The following PLXDC2 variants were observed in gnomAD, a reference collection of about 807,000 sequenced individuals.
PLXDC2 encodes plexin domain-containing protein 2.
In PLXDC2, 40 loss-of-function variants were observed where a neutral mutation model predicts 68.9. That is an observed-to-expected ratio of 0.58 (90% CI 0.45 to 0.76). PLXDC2 has a LOEUF of 0.76. Among genes scored for constraint, PLXDC2 ranks in the 30% least tolerant of loss-of-function variants. PLXDC2 has a pLI of 0.00. For synonymous variants in PLXDC2, 243 were observed against 234.2 expected (o/e 1.04, Z -0.34); for missense variants, 644 against 661.9 (o/e 0.97, Z 0.30).
At position 19,936,008 on chromosome 10, in the gene PLXDC2, A is replaced by T. The variant is rs887882200; in HGVS notation, c.113-65767A>T. 3.9e-5 allele frequency among the ~76,000 whole-genome samples: 6 copies of T among 152,200 alleles called. No homozygotes were observed. The East Asian group carries it at 1.2e-3, about 29-fold the overall frequency. On this transcript the variant is annotated intron_variant, in intron 1 of 13. Coordinates refer to ENST00000377252, the MANE Select transcript of PLXDC2 (RefSeq NM_032812.9). ...TGTCTTAGTTCTTAGTGCTATTTTGATATTAAAACAAAAATTTGAAATCGT... is the reference window on the plus strand; with the variant it reads ...TGTCTTAGTTCTTAGTGCTATTTTGTTATTAAAACAAAAATTTGAAATCGT...
chr10:20,067,226 A>G (rs2131705518), intron 3 of PLXDC2, among the ~76,000 whole-genome samples: 1 of 152,310 alleles, frequency 6.6e-6, no homozygotes, highest in Non-Finnish European at 1.5e-5. Flanking sequence ...TAGGAAAACA[A>G]AGGGTGCAAT....
chr10:20,105,645 G>A (rs1447207818), intron 4 of PLXDC2, among the ~76,000 whole-genome samples: 1 of 152,088 alleles, frequency 6.6e-6, no homozygotes, highest in African/African-American at 2.4e-5. Context: ...CTCTCCTCCT[G>A]CCCCCTACCC....
intron 1 of PLXDC2, among the ~76,000 whole-genome samples, chr10:19,887,759 T>G (rs1837876476): frequency 6.6e-6 from 1 of 152,186 alleles, no homozygotes; most frequent in Non-Finnish European, 1.5e-5. Context: ...TATTTCCTTC[T>G]GTCTTGGGTG....
At chr10:20,270,034 A>C (rs113550079) in intron 13 of PLXDC2, among the ~76,000 whole-genome samples, 89,235 of 145,982 alleles carry the variant, frequency 0.61, 27,346 homozygotes, top group Middle Eastern at 0.77. Flanking sequence ...AAATAAAATA[A>C]AATAAAATAA....
chr10:19,876,711 A>T (rs1458453699), intron 1 of PLXDC2, among the ~76,000 whole-genome samples: 1 of 151,860 alleles, frequency 6.6e-6, no homozygotes, highest in Non-Finnish European at 1.5e-5. Flanking sequence ...AGTGATAGGA[A>T]CTCTGTATAT....
chr10:20,220,397 A>T (rs2131866445), intron 12 of PLXDC2, among the ~76,000 whole-genome samples: 1 of 152,152 alleles, frequency 6.6e-6, no homozygotes, highest in Non-Finnish European at 1.5e-5. Context: ...TCCCCAAGAG[A>T]CTTCTCTTTT....
intron 1 of PLXDC2, among the ~76,000 whole-genome samples, chr10:19,931,952 AGT>A (rs33953625): frequency 1.5e-3 from 228 of 149,712 alleles, no homozygotes; most frequent in Middle Eastern, 6.9e-3. Flanking sequence ...TAATTTGGGA[AGT>A]GTGTGTGTGT....
intron 3 of PLXDC2, among the ~76,000 whole-genome samples, chr10:20,053,866 C>G: frequency 6.6e-6 from 1 of 152,104 alleles, no homozygotes; most frequent in East Asian, 1.9e-4. Context: ...TTTACTGCCT[C>G]GCAGTGCGTT....
At chr10:19,982,754 A>G (rs1024638305) in intron 1 of PLXDC2, among the ~76,000 whole-genome samples, 1 of 152,092 alleles carries the variant, frequency 6.6e-6, no homozygotes, top group African/African-American at 2.4e-5. Context: ...CAGCTTATTT[A>G]TTAGTTTTGG....
intron 1 of PLXDC2, among the ~76,000 whole-genome samples, chr10:19,947,694 CTTTTCTTTCTTTCTT>C (rs1833925339): frequency 7.5e-6 from 1 of 133,020 alleles, no homozygotes; most frequent in Non-Finnish European, 1.6e-5. Flanking sequence ...CTCCTTTTTT[CTTTTCTTTCTTTCTT>C]TTTTTTTTTT....
At chr10:20,258,688 A>T (rs758118241) in intron 13 of PLXDC2, among the ~76,000 whole-genome samples, 4 of 152,098 alleles carry the variant, frequency 2.6e-5, no homozygotes, top group Non-Finnish European at 5.9e-5. Context: ...AAGATGTGCA[A>T]ATTTGTTTTC....
At chr10:20,050,141 G>A (rs1250154209) in intron 3 of PLXDC2, among the ~76,000 whole-genome samples, 1 of 152,094 alleles carries the variant, frequency 6.6e-6, no homozygotes, top group Non-Finnish European at 1.5e-5. Flanking sequence ...ATGGTGCTGG[G>A]ATAACTGGCT....
intron 1 of PLXDC2, among the ~76,000 whole-genome samples, chr10:19,867,255 G>A (rs912904239): frequency 2.6e-5 from 4 of 151,846 alleles, no homozygotes; most frequent in Admixed American, 6.6e-5. Context: ...GGTGGAGATG[G>A]GGTTTTACTC....
intron 4 of PLXDC2, among the ~76,000 whole-genome samples, chr10:20,072,744 AAC>A (rs902191093): frequency 6.6e-6 from 1 of 152,152 alleles, no homozygotes; most frequent in East Asian, 1.9e-4. Context: ...GCAGTGGGAA[AAC>A]ACACATGGAG....
chr10:20,012,594 G>A (rs1835139541), intron 2 of PLXDC2, among the ~76,000 whole-genome samples: 2 of 151,574 alleles, frequency 1.3e-5, no homozygotes, highest in African/African-American at 4.8e-5. Flanking sequence ...CCAAAGTGCT[G>A]GGATTATACG....
chr10:19,895,573 A>C (rs1353917171), intron 1 of PLXDC2, among the ~76,000 whole-genome samples: 1 of 152,172 alleles, frequency 6.6e-6, no homozygotes, highest in Non-Finnish European at 1.5e-5. Flanking sequence ...ATTTGAAATC[A>C]CTGAAATCTA....
chr10:20,222,138 A>C (rs1376331301), intron 12 of PLXDC2, among the ~76,000 whole-genome samples: 1 of 152,144 alleles, frequency 6.6e-6, no homozygotes, highest in Non-Finnish European at 1.5e-5. Context: ...AACATTTTTC[A>C]AAGTAGTCAG....
rs1345626029 is a variant in PLXDC2 at position 20,067,671 on chromosome 10, CAG to C, written c.472-495_472-494del. Among the ~76,000 whole-genome samples the C allele has an allele frequency of 5.1e-5, 7 of 137,084 alleles. No individual in the cohort carries two copies. The South Asian group carries it at 6.9e-4, about 14-fold the overall frequency. The allele number at this position is 137,084 out of a possible 152,430, so 89.9% of individuals were successfully genotyped here. A position where few individuals can be genotyped will look rare whatever the true frequency, so the allele number is the denominator to read the frequency against. ...TCACTTCACTCCAGCCTGGGCAAAA[CAG>C]AGAAACTCCGACTCAAAAAAAAAAA... On this transcript the variant is annotated intron_variant, in intron 3 of 13. Transcript: ENST00000377252.
At chr10:19,941,962 T>C (rs1833826581) in intron 1 of PLXDC2, among the ~76,000 whole-genome samples, 2 of 150,790 alleles carry the variant, frequency 1.3e-5, no homozygotes, top group African/African-American at 4.9e-5. Context: ...TTTCCAGCCT[T>C]TGACATTTAG....
Sources: gnomAD v4.1 joint callset for allele counts (sites outside exome capture counted in the v4.1 genomes callset) on GRCh38, gnomAD v4.1.1 for gene constraint, MANE v1.5 for transcripts, NCBI Gene and HGNC (gene_info 2026-07-23, HGNC 2026-07-21) for gene names.